Variants in TMEM132D observed in about 807,000 individuals in gnomAD.
TMEM132D encodes mature OL transmembrane protein.
In TMEM132D, 21 loss-of-function variants were observed where a neutral mutation model predicts 62.3. The ratio of observed to expected loss-of-function variants is 0.34; its 90% CI spans 0.24 to 0.49. TMEM132D has a LOEUF of 0.49. TMEM132D is among the 20% of genes least tolerant of loss of function. The probability of loss-of-function intolerance (pLI) is 0.99; values close to 1 mark genes in which losing one functional copy is unlikely to be tolerated. For synonymous variants in TMEM132D, 621 were observed against 575.6 expected, an observed-to-expected ratio of 1.08 and a Z score of -1.13; for missense variants, 1,346 against 1,402.8, an observed-to-expected ratio of 0.96 and a Z score of 0.65.
chr12:129,360,972 G>C (rs1362465740), intron 3 of TMEM132D, among the ~76,000 whole-genome samples: 2 of 152,136 alleles, frequency 1.3e-5, no homozygotes, highest in Non-Finnish European at 2.9e-5. Context: ...GAATGGGAGC[G>C]CTCTTATCTA....
At chr12:129,613,954 G>T (rs1342261733) in intron 2 of TMEM132D, among the ~76,000 whole-genome samples, 1 of 152,006 alleles carries the variant, frequency 6.6e-6, no homozygotes, top group Non-Finnish European at 1.5e-5. Flanking sequence ...ACTGTCTCCA[G>T]AACGCAGGGG....
intron 5 of TMEM132D, among the ~76,000 whole-genome samples, chr12:129,178,445 T>C (rs1285377554): frequency 1.3e-5 from 2 of 151,978 alleles, no homozygotes; most frequent in Non-Finnish European, 2.9e-5. Context: ...TTTTTTTTTT[T>C]TTTTGTGACT....
chr12:129,661,932 A>G (rs1055948671), intron 2 of TMEM132D, among the ~76,000 whole-genome samples: 18 of 152,204 alleles, frequency 1.2e-4, no homozygotes, highest in Admixed American at 1.2e-3. Context: ...GAGCTGGAAG[A>G]GTAAATGTAA....
At chr12:129,235,960 T>G (rs1879767292) in intron 4 of TMEM132D, among the ~76,000 whole-genome samples, 1 of 152,176 alleles carries the variant, frequency 6.6e-6, no homozygotes, top group South Asian at 2.1e-4. Flanking sequence ...TTAACAATAT[T>G]AATTCTTTCA....
intron 5 of TMEM132D, among the ~76,000 whole-genome samples, chr12:129,168,068 T>TA (rs991167042): frequency 2.0e-5 from 3 of 152,214 alleles, no homozygotes; most frequent in African/African-American, 7.2e-5. Context: ...TTCACTGAGA[T>TA]AAAATGACAA....
At chr12:129,877,686 T>A (rs1216658224) in intron 1 of TMEM132D, among the ~76,000 whole-genome samples, 2 of 152,138 alleles carry the variant, frequency 1.3e-5, no homozygotes, top group Non-Finnish European at 2.9e-5. Flanking sequence ...TTGCAGCCTC[T>A]CTAGAGAGCT....
intron 3 of TMEM132D, among the ~76,000 whole-genome samples, chr12:129,472,807 C>T (rs977530137): frequency 4.6e-5 from 7 of 152,080 alleles, no homozygotes; most frequent in South Asian, 4.1e-4. Flanking sequence ...TCACATGCTA[C>T]GGAGAAATCT....
At chr12:129,590,790 G>C (rs265632) in intron 2 of TMEM132D, among the ~76,000 whole-genome samples, 1 of 152,010 alleles carries the variant, frequency 6.6e-6, no homozygotes, top group Non-Finnish European at 1.5e-5. Context: ...CACAGTCCAG[G>C]ACAGCTCATT....
chr12:129,272,799 G>A (rs775191400), intron 4 of TMEM132D, among the ~76,000 whole-genome samples: 2 of 151,700 alleles, frequency 1.3e-5, no homozygotes, highest in Admixed American at 1.3e-4. Flanking sequence ...GGCGGCTCAC[G>A]CCTGTAATCC....
chr12:129,300,058 C>T (rs558188045), intron 4 of TMEM132D, among the ~76,000 whole-genome samples: 106 of 152,204 alleles, frequency 7.0e-4, no homozygotes, highest in African/African-American at 2.2e-3. Flanking sequence ...TGTGAGTCTC[C>T]GCATATTTGG....
intron 5 of TMEM132D, among the ~76,000 whole-genome samples, chr12:129,158,582 G>A (rs768035007): frequency 1.6e-4 from 24 of 152,118 alleles, no homozygotes; most frequent in Non-Finnish European, 3.2e-4. Context: ...AATCCCTCAG[G>A]GCATCCTGAG....
intron 1 of TMEM132D, among the ~76,000 whole-genome samples, chr12:129,781,526 TG>T (rs1321605705): frequency 6.6e-6 from 1 of 152,246 alleles, no homozygotes; most frequent in Non-Finnish European, 1.5e-5. Flanking sequence ...ACAGGTTTAC[TG>T]TTCTTTTTTC....
chr12:129,704,486 A>C (rs1451776345), intron 1 of TMEM132D, among the ~76,000 whole-genome samples: 1 of 152,232 alleles, frequency 6.6e-6, no homozygotes. Context: ...CTTCCCTAAC[A>C]GAGACAGTGA....
chr12:129,436,369 G>A (rs930941937), intron 3 of TMEM132D, among the ~76,000 whole-genome samples: 66 of 152,228 alleles, frequency 4.3e-4, no homozygotes, highest in African/African-American at 1.5e-3. Flanking sequence ...CGAAAGGTAT[G>A]ACATTCTCAT....
chr12:129,554,840 C>T (rs1204564135), intron 2 of TMEM132D, among the ~76,000 whole-genome samples: 2 of 152,118 alleles, frequency 1.3e-5, no homozygotes, highest in East Asian at 1.9e-4. Context: ...AGGTGGACTC[C>T]AACTAGATCA....
intron 5 of TMEM132D, among the ~76,000 whole-genome samples, chr12:129,131,189 A>G (rs937086075): frequency 6.6e-6 from 1 of 152,254 alleles, no homozygotes; most frequent in Admixed American, 6.5e-5. Context: ...GTATGTATGC[A>G]TAAGTATGTA....
At chr12:129,672,957 G>A (rs1007139139) in intron 2 of TMEM132D, among the ~76,000 whole-genome samples, 1 of 152,026 alleles carries the variant, frequency 6.6e-6, no homozygotes, top group Non-Finnish European at 1.5e-5. Context: ...CATGTTAACC[G>A]GGCTGGTCTT....
chr12:129,646,982 T>C (rs1039097136), intron 2 of TMEM132D, among the ~76,000 whole-genome samples: 1 of 151,866 alleles, frequency 6.6e-6, no homozygotes. Context: ...GTATTTTTAG[T>C]AGAGACAGGG....
intron 1 of TMEM132D, among the ~76,000 whole-genome samples, chr12:129,832,035 CTTT>C (rs71085577): frequency 1.1e-5 from 1 of 94,174 alleles, no homozygotes; most frequent in African/African-American, 5.1e-5. Flanking sequence ...ATGCCCGGCT[CTTT>C]TTTTTTTTTT....
Sources: allele counts gnomAD v4.1 joint callset (sites outside exome capture counted in the v4.1 genomes callset), GRCh38; gene constraint gnomAD v4.1.1; transcripts MANE v1.5; gene names NCBI Gene and HGNC (gene_info 2026-07-23, HGNC 2026-07-21).